Variants in NSMAF observed in about 807,000 individuals in gnomAD.
The protein encoded by NSMAF is neutral sphingomyelinase activation associated factor, also known as protein FAN.
Under a neutral mutation model 134.9 loss-of-function variants are expected in NSMAF, and 90 were observed. The ratio of observed to expected loss-of-function variants is 0.67; its 90% confidence interval spans 0.56 to 0.79. The LOEUF is 0.79. Among genes scored for constraint, NSMAF ranks in the 30% least tolerant of loss-of-function variants. The pLI is 0.00. For missense variants in NSMAF, 1,010 were observed against 1,119.0 expected (o/e 0.90, Z 1.39); for synonymous variants, 358 against 389.6 (o/e 0.92, Z 0.96).
At chr8:58,635,440 T>C (rs769716642) in intron 3 of NSMAF, 28 bp downstream of exon 3, 2 of 1,568,022 alleles carry the variant, frequency 1.3e-6, no homozygotes, top group South Asian at 2.3e-5. Context: ...AATAGGAATG[T>C]TTCTGTTCAT....
chr8:58,623,100 C>G (rs980611718), intron 9 of NSMAF, 120 bp downstream of exon 9: 22 of 753,796 alleles, frequency 2.9e-5, no homozygotes, highest in Non-Finnish European at 5.1e-5. Context: ...GAGCCATTCT[C>G]TAAGACAAGC....
intron 9 of NSMAF, among the ~76,000 whole-genome samples, chr8:58,610,323 C>G (rs1806500399): frequency 6.6e-6 from 1 of 152,122 alleles, no homozygotes; most frequent in African/African-American, 2.4e-5. Flanking sequence ...TCTGCTTTAA[C>G]TGATTTAAGA....
chr8:58,587,558 C>T (rs552402313), intron 27 of NSMAF, 60 bp downstream of exon 27: 2 of 1,443,760 alleles, frequency 1.4e-6, no homozygotes, highest in South Asian at 1.2e-5. Context: ...AAACCTTCTT[C>T]CAGCCGAACC....
rs775360609 is a variant in NSMAF at position 58,635,176 on chromosome 8, A to G, written c.333+13T>C. ...TCATTCAGATTAGGAAAAAATATTTATTATGTGCTTACCTGACTGAAAATG... is the reference window on the plus strand; with the variant it reads ...TCATTCAGATTAGGAAAAAATATTTGTTATGTGCTTACCTGACTGAAAATG... On this transcript the variant is annotated intron_variant, in intron 5 of 30. Coordinates refer to ENST00000038176, the MANE Select transcript of NSMAF (RefSeq NM_003580.4). 1.3e-6 allele frequency: 2 copies of G among 1,599,690 alleles called. No individual in the cohort carries two copies. The highest frequency in any genetic ancestry group is 2.2e-5 in the South Asian group (2 of 89,696).
chr8:58,621,507 G>A (rs1435742199), intron 9 of NSMAF, among the ~76,000 whole-genome samples: 1 of 152,150 alleles, frequency 6.6e-6, no homozygotes, highest in Non-Finnish European at 1.5e-5. Flanking sequence ...TGGTAGCTCT[G>A]TTTTAAGTTC....
chr8:58,585,967 C>A lies in NSMAF; in HGVS notation c.2480G>T (p.Gly827Val). 3 of 1,613,984 alleles carry A rather than the reference C, an allele frequency of 1.9e-6. No individual in the cohort carries two copies. The highest frequency in any genetic ancestry group is 2.5e-6 in the Non-Finnish European group (3 of 1,179,990). Residue 827 changes from glycine to valine, a missense_variant, in exon 29 of 31, where the codon GGC (glycine) becomes GTC (valine). Coordinates refer to ENST00000038176, the MANE Select transcript of NSMAF (RefSeq NM_003580.4). ...CTGCACATCAATGACATTAAGACAG[C>A]CATCTGTTCCTGTGCTGAGGACATG... ...SRHVLSTGTD[G>V]CLNVIDVQTG...
Position 58,623,403 on chromosome 8 carries a change from C to T in NSMAF, c.478G>A (p.Asp160Asn). 6.2e-7 allele frequency: 1 copy of T among 1,614,036 alleles called. No homozygotes were observed. The highest frequency in any genetic ancestry group is 1.1e-5 in the South Asian group (1 of 91,050). ...ATGGCGGTTTGGTCACCCAATTTGT[C>T]AAGGCAGGATGCTCTGTGAAGCTAC... ...LLQLHRASCL[D>N]KLGDQTAMIT... The change falls in exon 8 of 31, where the codon GAC (aspartate) becomes AAC (asparagine). Residue 160 changes from aspartate to asparagine, a missense_variant. Physicochemically the swap from Asp to Asn is conservative, Grantham distance 23. Transcript: ENST00000038176.
At chr8:58,597,587 A>G in intron 20 of NSMAF, 37 bp from the exon 21 acceptor site, 1 of 1,598,808 alleles carries the variant, frequency 6.3e-7, no homozygotes, top group South Asian at 1.1e-5. Context: ...GTGAACCACT[A>G]GGTTCGAGTT....
intron 13 of NSMAF, among the ~76,000 whole-genome samples, 182 bp downstream of exon 13, chr8:58,603,028 G>A (rs891602813): frequency 9.9e-5 from 15 of 152,112 alleles, no homozygotes; most frequent in South Asian, 2.1e-4. Context: ...AAACACTTAC[G>A]TAACACTTAT....
chr8:58,631,440 T>G, intron 6 of NSMAF, 56 bp downstream of exon 6: 1 of 1,070,372 alleles, frequency 9.3e-7, no homozygotes, highest in Non-Finnish European at 1.4e-6. Flanking sequence ...TCACAAAATT[T>G]TATTGTTCAA....
At chr8:58,617,533 C>T (rs756396150) in intron 9 of NSMAF, among the ~76,000 whole-genome samples, 3 of 152,122 alleles carry the variant, frequency 2.0e-5, no homozygotes, top group Admixed American at 1.3e-4. Flanking sequence ...AAGAAGACAT[C>T]TATGCAGCCA....
chr8:58,630,607 T>C (rs1807036994), intron 6 of NSMAF, among the ~76,000 whole-genome samples: 1 of 152,150 alleles, frequency 6.6e-6, no homozygotes, highest in Admixed American at 6.5e-5. Flanking sequence ...GAGGCATTTG[T>C]TAGGGGAAAG....
chr8:58,589,022 G>A (rs1805959909), intron 26 of NSMAF, among the ~76,000 whole-genome samples: 1 of 151,004 alleles, frequency 6.6e-6, no homozygotes, highest in Admixed American at 6.6e-5. Flanking sequence ...GCAAGACACT[G>A]TCTCTAAAAA....
chr8:58,640,194 C>A, intron 2 of NSMAF: 1 of 373,320 alleles, frequency 2.7e-6, no homozygotes, highest in South Asian at 2.0e-5. Context: ...TGTTCTTATT[C>A]CCACACACAC....
intron 1 of NSMAF, among the ~76,000 whole-genome samples, chr8:58,657,837 G>C (rs1352568123): frequency 6.6e-6 from 1 of 152,158 alleles, no homozygotes; most frequent in Non-Finnish European, 1.5e-5. Flanking sequence ...TAAATGTTTT[G>C]GTTGCCAAGA....
intron 9 of NSMAF, among the ~76,000 whole-genome samples, chr8:58,613,485 C>A (rs1806579384): frequency 6.6e-6 from 1 of 150,714 alleles, no homozygotes; most frequent in African/African-American, 2.4e-5. Context: ...GCTAAAAAGT[C>A]AATAGAGTAG....
chr8:58,601,631 T>G, intron 14 of NSMAF, 96 bp from the exon 15 acceptor site: 1 of 1,422,226 alleles, frequency 7.0e-7, no homozygotes, highest in Non-Finnish European at 9.3e-7. Flanking sequence ...ATAACATAGA[T>G]ATACCATATT....
chr8:58,637,807 C>T (rs1484468314), intron 2 of NSMAF, among the ~76,000 whole-genome samples: 1 of 152,120 alleles, frequency 6.6e-6, no homozygotes, highest in African/African-American at 2.4e-5. Flanking sequence ...GGTAAAAAGT[C>T]TGTACACTGA....
chr8:58,650,886 C>T (rs903195609), intron 1 of NSMAF, among the ~76,000 whole-genome samples: 4 of 152,196 alleles, frequency 2.6e-5, no homozygotes, highest in African/African-American at 9.7e-5. Flanking sequence ...TCTCTATTGC[C>T]ACTTCCTGTT....
Sources: allele counts gnomAD v4.1 joint callset (sites outside exome capture counted in the v4.1 genomes callset), GRCh38; gene constraint gnomAD v4.1.1; transcripts MANE v1.5; gene names NCBI Gene and HGNC (gene_info 2026-07-23, HGNC 2026-07-21).